Variants in RBFOX1 observed in about 807,000 individuals in gnomAD.
RBFOX1 encodes the protein RNA binding fox-1 homolog 1.
RBFOX1 carries 8 observed loss-of-function variants against 57.7 expected under a neutral mutation model. The ratio of observed to expected loss-of-function variants is 0.14; its 90% CI spans 0.08 to 0.25. The LOEUF (loss-of-function observed/expected upper bound fraction) is 0.25. RBFOX1 is among the 10% of genes least tolerant of loss of function. The probability of loss-of-function intolerance (pLI) is 1.00; values close to 1 mark genes in which losing one functional copy is unlikely to be tolerated. For synonymous variants in RBFOX1, 326 were observed against 222.4 expected (o/e 1.47, Z -4.15); for missense variants, 611 against 548.5 (o/e 1.11, Z -1.14).
chr16:6,666,876 C>G (rs373845515), intron 3 of RBFOX1, among the ~76,000 whole-genome samples: 7 of 152,118 alleles, frequency 4.6e-5, no homozygotes, highest in African/African-American at 1.7e-4. Flanking sequence ...TCTCGGGGTC[C>G]TCAATGAGTC....
Position 7,136,404 on chromosome 16 carries a change from A to ATTTTTTT in RBFOX1, c.27+84322_27+84328dup, listed in dbSNP as rs35623726. Reference sequence around the variant, plus strand: ...TACAGAACATCTCTATCATCTTGGGATTTTTTTTTTTTTTTTTTTTTTGAC... The same window carrying ATTTTTTT: ...TACAGAACATCTCTATCATCTTGGGATTTTTTTTTTTTTTTTTTTTTTTTTTTTTGAC... On this transcript the variant is annotated intron_variant, in intron 4 of 15. Transcript: ENST00000550418. Among the ~76,000 whole-genome samples the ATTTTTTT allele has an allele frequency of 4.5e-5, 5 of 110,934 alleles. 1 individual carries two copies. Among genetic ancestry groups the ATTTTTTT allele is most frequent in the African/African-American group, 1.4e-4 (4 of 28,352 alleles). 72.8% of individuals were successfully genotyped at this position (110,934 alleles called of 152,430 possible).
At chr16:6,017,852 CCT>C (rs372681134), upstream of RBFOX1, among the ~76,000 whole-genome samples, 12 of 152,236 alleles carry the variant, frequency 7.9e-5, no homozygotes, top group African/African-American at 2.6e-4. Context: ...CACATGGCCC[CCT>C]GTTTTGGAAA....
chr16:6,070,111 TAC>T (rs1291054217), intron 1 of RBFOX1, among the ~76,000 whole-genome samples: 6 of 152,236 alleles, frequency 3.9e-5, no homozygotes, highest in Non-Finnish European at 8.8e-5. Flanking sequence ...TAGAAAACTA[TAC>T]ATTTTTTAAA....
intron 2 of RBFOX1, among the ~76,000 whole-genome samples, chr16:6,648,621 C>T (rs1273307389): frequency 6.6e-6 from 1 of 152,090 alleles, no homozygotes; most frequent in African/African-American, 2.4e-5. Flanking sequence ...TAGCATGCAT[C>T]GACGGGCCCT....
chr16:6,073,304 G>T (rs939213534), intron 1 of RBFOX1, among the ~76,000 whole-genome samples: 3 of 152,104 alleles, frequency 2.0e-5, no homozygotes, highest in Non-Finnish European at 4.4e-5. Flanking sequence ...AGGAATTGAG[G>T]TTTTTGCCAA....
intron 3 of RBFOX1, among the ~76,000 whole-genome samples, chr16:6,814,119 G>T (rs1293054152): frequency 1.3e-5 from 2 of 152,006 alleles, no homozygotes; most frequent in Non-Finnish European, 2.9e-5. Flanking sequence ...GCCCACATAG[G>T]GAGCTTATTT....
At chr16:5,643,092 G>C (rs973952000) in intron 3 of RBFOX1, among the ~76,000 whole-genome samples, 2 of 152,126 alleles carry the variant, frequency 1.3e-5, no homozygotes, top group African/African-American at 4.8e-5. Context: ...CAGAGGCTCC[G>C]TGTTAACCTC....
intron 2 of RBFOX1, among the ~76,000 whole-genome samples, chr16:6,587,757 A>T (rs1016480614): frequency 3.3e-5 from 5 of 152,218 alleles, no homozygotes; most frequent in African/African-American, 1.2e-4. Flanking sequence ...CTTGTAGAAA[A>T]ATTAAAACAC....
chr16:7,227,627 G>T (rs1335896649), intron 4 of RBFOX1, among the ~76,000 whole-genome samples: 2 of 152,160 alleles, frequency 1.3e-5, no homozygotes, highest in African/African-American at 4.8e-5. Flanking sequence ...TCCAAGCCCA[G>T]TCATTGTAGC....
intron 4 of RBFOX1, among the ~76,000 whole-genome samples, chr16:5,995,429 G>A (rs2060473892): frequency 6.6e-6 from 1 of 152,158 alleles, no homozygotes. Context: ...ATGATGGTAA[G>A]TGCTTTTATC....
intron 3 of RBFOX1, among the ~76,000 whole-genome samples, chr16:5,852,219 C>T (rs998565782): frequency 1.3e-5 from 2 of 152,160 alleles, no homozygotes; most frequent in African/African-American, 4.8e-5. Context: ...GCCTCCTAGC[C>T]TTTGCCCATG....
chr16:5,933,571 A>C (rs2059111445), intron 4 of RBFOX1, among the ~76,000 whole-genome samples: 1 of 152,146 alleles, frequency 6.6e-6, no homozygotes, highest in Admixed American at 6.5e-5. Flanking sequence ...GAAAAACAGA[A>C]ATTGCCATTT....
intron 1 of RBFOX1, among the ~76,000 whole-genome samples, chr16:6,290,476 C>T (rs534318664): frequency 6.6e-6 from 1 of 151,948 alleles, no homozygotes; most frequent in African/African-American, 2.4e-5. Flanking sequence ...TGAAAGTGAG[C>T]ATCAGTCACT....
intron 1 of RBFOX1, among the ~76,000 whole-genome samples, chr16:6,226,392 C>A (rs368397714): frequency 0.053 from 4,657 of 87,480 alleles, 105 homozygotes; most frequent in Middle Eastern, 0.089. Context: ...AAAAAAAAAA[C>A]AAAAAAATAT....
intron 4 of RBFOX1, among the ~76,000 whole-genome samples, chr16:7,310,499 C>T (rs1756467566): frequency 6.6e-6 from 1 of 152,100 alleles, no homozygotes; most frequent in Admixed American, 6.6e-5. Flanking sequence ...CACCCAGAGT[C>T]CTGTTGGTAT....
intron 3 of RBFOX1, among the ~76,000 whole-genome samples, chr16:6,686,554 C>G (rs1024872638): frequency 1.3e-5 from 2 of 152,144 alleles, no homozygotes; most frequent in African/African-American, 4.8e-5. Flanking sequence ...GGGAACATTT[C>G]TCAGTTGCTA....
At chr16:7,451,696 C>G (rs1426970173) in intron 4 of RBFOX1, among the ~76,000 whole-genome samples, 1 of 131,360 alleles carries the variant, frequency 7.6e-6, no homozygotes, top group Non-Finnish European at 1.6e-5. Flanking sequence ...GCCCCGTATT[C>G]TCTTTGTGAA....
intron 4 of RBFOX1, among the ~76,000 whole-genome samples, chr16:7,495,322 G>C (rs1218844359): frequency 6.6e-6 from 1 of 152,074 alleles, no homozygotes; most frequent in Non-Finnish European, 1.5e-5. Flanking sequence ...CTTTTCCTTT[G>C]GGTATTTCCC....
At chr16:7,372,884 G>C (rs2097594881) in intron 4 of RBFOX1, among the ~76,000 whole-genome samples, 1 of 152,094 alleles carries the variant, frequency 6.6e-6, no homozygotes, top group Admixed American at 6.5e-5. Context: ...CTTTATATTT[G>C]AGCTTTTCTA....
Sources: allele counts gnomAD v4.1 joint callset (sites outside exome capture counted in the v4.1 genomes callset), GRCh38; gene constraint gnomAD v4.1.1; transcripts MANE v1.5; gene names NCBI Gene and HGNC (gene_info 2026-07-23, HGNC 2026-07-21).